Variants in RECQL4 observed in about 807,000 individuals in gnomAD.
RECQL4 encodes the protein RecQ like helicase 4.
Under a neutral mutation model 128.6 loss-of-function variants are expected in RECQL4, and 158 were observed. The observed-to-expected ratio is 1.23, with a 90% confidence interval of 1.08 to 1.40. RECQL4 has a LOEUF of 1.40. Ranked by LOEUF, RECQL4 falls within the 40% of genes most tolerant of loss-of-function variation. The pLI, the probability that RECQL4 is intolerant of heterozygous loss-of-function variation, is 0.00. For missense variants in RECQL4, 2,293 were observed against 1,649.8 expected, an observed-to-expected ratio of 1.39 and a Z score of -6.75; for synonymous variants, 996 against 678.9, an observed-to-expected ratio of 1.47 and a Z score of -7.26.
rs1586808916 is a variant in RECQL4, at chr8:144,514,059, T to G, written c.1927A>C (p.Thr643Pro). Residue 643 changes from threonine (T) to proline (P), a missense_variant, in exon 12 of 21, where the codon ACA (threonine) becomes CCA (proline). Transcript: ENST00000617875. ...GVHCFLGLTATATRRTASDVA... is the reference protein window; with the variant it reads ...GVHCFLGLTAPATRRTASDVA... ...TCACTGGCAGTGCGGCGTGTGGCTG[T>G]GGCTGTGAGGCCCAGGAAGCAGTGC... The G allele has an allele frequency of 6.3e-7, 1 of 1,586,708 alleles. No homozygotes were observed. Among genetic ancestry groups the G allele is most frequent in the South Asian group, 1.1e-5 (1 of 87,700 alleles).
rs768547109 is a variant in RECQL4, at chr8:144,513,201, G to C, written c.2463+17C>G. On this transcript the variant is annotated intron_variant, in intron 14 of 20. Transcript: ENST00000617875. The stretch of plus-strand genomic sequence containing the variant: ...GGGGGCTCGAGCACTGGCAGTGTGG[G>C]GGGGGGGGGTGCCAACCTGGGGCTG... 1.0e-5 allele frequency: 8 copies of C among 762,642 alleles called. No homozygotes were observed. Among genetic ancestry groups the C allele is most frequent in the South Asian group, 4.1e-5 (1 of 24,188 alleles). 47.2% of individuals were successfully genotyped at this position (762,642 alleles called of 1,614,324 possible).
chr8:144,517,449 G>A lies in RECQL4; in HGVS notation c.178C>T (p.Arg60Cys). 6.3e-7 allele frequency: 1 copy of A among 1,592,536 alleles called. No individual in the cohort carries two copies. ...RTTGQAGGGL[R>C]SSESLPAAAE... is the part of the protein sequence containing the mutation. ...GCCGCGGGGAGCGACTCGGAGCTGCGGAGCCCGCCGCCGGCCTGGCCCGTG... is the reference window on the plus strand; with the variant it reads ...GCCGCGGGGAGCGACTCGGAGCTGCAGAGCCCGCCGCCGGCCTGGCCCGTG... Residue 60 changes from arginine (R) to cysteine (C), a missense_variant, in exon 3 of 21, where the codon CGC becomes TGC. Transcript: ENST00000617875.
rs773088003 is a variant in RECQL4, at chr8:144,511,699, G to A, written c.3484C>T (p.Arg1162Cys). Residue 1162 changes from arginine to cysteine, a missense_variant, in exon 20 of 21, where the codon CGC becomes TGC. By Grantham distance (180) the Arg-to-Cys change is radical. Coordinates refer to ENST00000617875, the MANE Select transcript of RECQL4 (RefSeq NM_004260.4). ...EEKFSSRAVA[R>C]IFHGIGSPCY... ...GCCTCACCGATGCCGTGGAAGATGCGGGCCACAGCCCTGCTGGAGAACTTC... is the reference window on the plus strand; with the variant it reads ...GCCTCACCGATGCCGTGGAAGATGCAGGCCACAGCCCTGCTGGAGAACTTC... The A allele has an allele frequency of 1.2e-5, 19 of 1,612,330 alleles. No individual in the cohort carries two copies. Among genetic ancestry groups the A allele is most frequent in the African/African-American group, 2.7e-5 (2 of 74,914 alleles).
rs1183777303 is a variant in RECQL4 at position 144,513,473 on chromosome 8, G to T, written c.2208C>A (p.Ala736=). 2 of 1,609,774 alleles carry T rather than the reference G, an allele frequency of 1.2e-6. No homozygotes were observed. The highest frequency in any genetic ancestry group is 3.3e-5 in the Admixed American group (2 of 59,984). Residue 736 remains alanine (A), a synonymous_variant, in exon 14 of 21, where the codon GCC becomes GCA. Transcript: ENST00000617875. ...GGTAGGCCTCGGCTGTGGTTTTGGG[G>T]GCACGACCTTTGGGGAAGACAGGCA... ...AAWVPGSGGR[A]PKTTAEAYHA... is the part of the protein sequence containing the mutation.
Position 144,512,847 on chromosome 8 carries a change from C to CCTCCT in RECQL4, c.2750_2754dup (p.Ala919ArgfsTer31). ...CTGTGGCTTACCCCAGGTTCCTCAC[C>CCTCCT]CTCCTCCGGCATGTCCAAAGCCTGT... On this transcript the variant is annotated frameshift_variant and splice_region_variant, in exon 15 of 21. Transcript: ENST00000617875. LOFTEE classifies it high-confidence loss of function. The CCTCCT allele has an allele frequency of 6.2e-7, 1 of 1,605,072 alleles. No individual in the cohort carries two copies. The highest frequency in any genetic ancestry group is 8.5e-7 in the Non-Finnish European group (1 of 1,176,266).
In RECQL4 at chr8:144,515,160, CCGCATGACTGCA is replaced by C; in HGVS notation, c.1461_1472del (p.Ala488_Arg491del). The stretch of plus-strand genomic sequence containing the variant: ...GGCAGCCACGCTCACCAGACAGGAT[CCGCATGACTGCA>C]CGCTCCTGCCCAGGGCGAAAGGCTT... On this transcript the variant is annotated inframe_deletion, in exon 8 of 21. Transcript: ENST00000617875. The C allele has an allele frequency of 6.4e-7, 1 of 1,565,460 alleles. No individual in the cohort carries two copies. Among genetic ancestry groups the C allele is most frequent in the South Asian group, 1.2e-5 (1 of 85,418 alleles).
chr8:144,515,959 ATG>A, intron 5 of RECQL4, 27 bp downstream of exon 5: 1 of 1,611,560 alleles, frequency 6.2e-7, no homozygotes, highest in African/African-American at 1.3e-5. Flanking sequence ...GGGAAAGGGA[ATG>A]CCTGTCCTGG....
At position 144,511,522 on chromosome 8, in the gene RECQL4, T is replaced by G. The variant is rs939186872; in HGVS notation, c.3536A>C (p.Gln1179Pro). The change falls in exon 21 of 21, where the codon CAG (glutamine) becomes CCG (proline). Residue 1179 changes from glutamine to proline, a missense_variant. Gln to Pro is a moderately conservative substitution (Grantham distance 76, BLOSUM62 -1). Coordinates refer to ENST00000617875, the MANE Select transcript of RECQL4 (RefSeq NM_004260.4). ...SPCYPAQVYG[Q>P]DRRFWRKYLH... ...GTATTTTCTCCAGAAGCGTCGGTCC[T>G]GCCCGTACACCTGGGCCGGGTAGCA... is the stretch of plus-strand genomic sequence containing the variant. 4 of 1,612,452 alleles carry G rather than the reference T, an allele frequency of 2.5e-6. No individual in the cohort carries two copies. Among genetic ancestry groups the G allele is most frequent in the Non-Finnish European group, 3.4e-6 (4 of 1,179,780 alleles).
chr8:144,511,385 C>A lies in RECQL4; in HGVS notation c.*46G>T, dbSNP rs763534803. 6.2e-7 allele frequency: 1 copy of A among 1,601,320 alleles called. No individual in the cohort carries two copies. Among genetic ancestry groups the A allele is most frequent in the Non-Finnish European group, 8.5e-7 (1 of 1,170,454 alleles). On this transcript the variant is annotated 3_prime_UTR_variant, in exon 21 of 21. Coordinates refer to ENST00000617875, the MANE Select transcript of RECQL4 (RefSeq NM_004260.4). ...CCCAGGTCCTCAGTCACTGCCCTAG[C>A]CTCTGACAACCCCAGCTCTACCCGA...
At position 144,515,848 on chromosome 8, in the gene RECQL4, C is replaced by A. The variant is rs756211147; in HGVS notation, c.1174G>T (p.Gly392Cys). ...TTGGTTGTGACTGTGGCACCACCAC[C>A]CCCAAAACACTCCCCTTTCTTCCGC... ...KWRKKGECFG[G>C]GGATVTTKES... is the part of the protein sequence containing the mutation. The change falls in exon 6 of 21, where the codon GGT (glycine) becomes TGT (cysteine). Residue 392 changes from glycine to cysteine, a missense_variant. Transcript: ENST00000617875. 1 of 1,612,956 alleles carries A rather than the reference C, an allele frequency of 6.2e-7. No individual in the cohort carries two copies. The highest frequency in any genetic ancestry group is 1.7e-5 in the Admixed American group (1 of 59,988).
Position 144,513,972 on chromosome 8 carries a change from T to C in RECQL4, c.2014A>G (p.Thr672Ala), listed in dbSNP as rs375173022. ...ATGGACACGGAAAGGTGCAGGTTGG[T>C]GGGAACTGGGGCTGGCCCGTGGAGG... ...PDLHGPAPVP[T>A]NLHLSVSMDR... is the part of the protein sequence containing the mutation. The change falls in exon 12 of 21, where the codon ACC becomes GCC. Residue 672 changes from threonine to alanine, a missense_variant. By Grantham distance (58) the Thr-to-Ala change is moderately conservative. Transcript: ENST00000617875. The C allele has an allele frequency of 1.3e-6, 2 of 1,563,466 alleles. No homozygotes were observed. Among genetic ancestry groups the C allele is most frequent in the Non-Finnish European group, 1.7e-6 (2 of 1,154,698 alleles).
Position 144,512,494 on chromosome 8 carries a change from C to G in RECQL4, c.2953G>C (p.Val985Leu), listed in dbSNP as rs200629599. Residue 985 changes from valine to leucine, a missense_variant, in exon 17 of 21, where the codon GTG (valine) becomes CTG (leucine). By Grantham distance (32) the Val-to-Leu change is conservative. Coordinates refer to ENST00000617875, the MANE Select transcript of RECQL4 (RefSeq NM_004260.4). ...ACCAGCTTGACCATGTCAAACTCCA[C>G]GGAGCTGCTGCCTTGCCCTGGGTCC... ...PEDPGQGSSS[V>L]EFDMVKLVDS... 34 of 1,612,482 alleles carry G rather than the reference C, an allele frequency of 2.1e-5. No homozygotes were observed. Among genetic ancestry groups the G allele is most frequent in the Non-Finnish European group, 2.8e-5 (33 of 1,179,784 alleles).
intron 6 of RECQL4, 100 bp from the exon 7 acceptor site, chr8:144,515,557 G>A (rs112734651): frequency 8.9e-6 from 14 of 1,564,714 alleles, no homozygotes; most frequent in African/African-American, 4.1e-5. Context: ...GCAGCAGGCA[G>A]TGCCCTTCCT....
At position 144,512,471 on chromosome 8, in the gene RECQL4, C is replaced by G. The variant is rs775795557; in HGVS notation, c.2976G>C (p.Leu992=). Residue 992 remains leucine (L), a synonymous_variant, in exon 17 of 21, where the codon CTG becomes CTC. Transcript: ENST00000617875. ...CCAGCTCCCAGCCCATGGAGTCCAC[C>G]AGCTTGACCATGTCAAACTCCACGG... ...SSSVEFDMVK[L]VDSMGWELAS... The G allele has an allele frequency of 1.9e-6, 3 of 1,612,188 alleles. No homozygotes were observed. The highest frequency in any genetic ancestry group is 2.5e-6 in the Non-Finnish European group (3 of 1,179,728).
intron 18 of RECQL4, 36 bp downstream of exon 18, chr8:144,512,108 G>A (rs1211888660): frequency 2.5e-6 from 4 of 1,603,018 alleles, no homozygotes; most frequent in South Asian, 1.1e-5. Flanking sequence ...CTGCGGGAGG[G>A]TGGATGGTCC....
In RECQL4 at chr8:144,514,169, C is replaced by G. The variant is rs767917998; in HGVS notation, c.1878+20G>C. 4.3e-6 allele frequency: 7 copies of G among 1,611,838 alleles called. No homozygotes were observed. The highest frequency in any genetic ancestry group is 5.9e-6 in the Non-Finnish European group (7 of 1,179,592). ...CCCATCCCGGCCCTGGCCGCCCACC[C>G]CAGTTCACATATGGCTCACCTTGCA... On this transcript the variant is annotated intron_variant, in intron 11 of 20. Transcript: ENST00000617875.
chr8:144,513,710 T>C lies in RECQL4; in HGVS notation c.2061A>G (p.Ala687=). The change falls in exon 13 of 21, where the codon GCA becomes GCG. Residue 687 remains alanine, a splice_region_variant and synonymous_variant. Transcript: ENST00000617875. ...GTTTGCCTTGCAGCAGCGTCAACAG[T>C]GCCTGATGAGGAGCGGTTGGCGTGG... ...SVSMDRDTDQ[A]LLTLLQGKRF... is the part of the protein sequence containing the mutation. 3 of 1,548,940 alleles carry C rather than the reference T, an allele frequency of 1.9e-6. No individual in the cohort carries two copies. The highest frequency in any genetic ancestry group is 2.6e-6 in the Non-Finnish European group (3 of 1,146,766).
intron 12 of RECQL4, 82 bp downstream of exon 12, chr8:144,513,846 T>A (rs1355997154): frequency 6.8e-7 from 1 of 1,468,604 alleles, no homozygotes. Flanking sequence ...GGGGTCGGCG[T>A]GGGCGGTGGG....
At position 144,515,872 on chromosome 8, in the gene RECQL4, G is replaced by A. The variant is rs766026341; in HGVS notation, c.1150C>T (p.Arg384Trp). 35 of 1,612,696 alleles carry A rather than the reference G, an allele frequency of 2.2e-5. No individual in the cohort carries two copies. Among genetic ancestry groups the A allele is most frequent in the Non-Finnish European group, 2.8e-5 (33 of 1,179,760 alleles). ...LRKQAWKQKWRKKGECFGGGG... is the reference protein window; with the variant it reads ...LRKQAWKQKWWKKGECFGGGG... ...CCCCCAAAACACTCCCCTTTCTTCC[G>A]CCACTTCTGCTTCCATGCCTGGGGG... The change falls in exon 6 of 21, where the codon CGG becomes TGG. Residue 384 changes from arginine (R) to tryptophan (W), a missense_variant. Coordinates refer to ENST00000617875, the MANE Select transcript of RECQL4 (RefSeq NM_004260.4).
Sources: allele counts gnomAD v4.1 joint callset, GRCh38; gene constraint gnomAD v4.1.1; transcripts MANE v1.5; gene names NCBI Gene and HGNC (gene_info 2026-07-23, HGNC 2026-07-21).